The following CLASP1 variants were observed in gnomAD, a reference collection of about 807,000 sequenced individuals.
CLASP1 encodes CLIP-associating protein 1.
CLASP1 carries 38 observed loss-of-function variants against 192.3 expected under a neutral mutation model. That is an observed-to-expected ratio of 0.20 (90% CI 0.15 to 0.26). The LOEUF (loss-of-function observed/expected upper bound fraction) is 0.26. Among genes scored for constraint, CLASP1 ranks in the 10% least tolerant of loss-of-function variants. CLASP1 has a pLI of 1.00. For missense variants in CLASP1, 1,433 were observed against 1,932.5 expected, an observed-to-expected ratio of 0.74 and a Z score of 4.85; for synonymous variants, 691 against 712.8, an observed-to-expected ratio of 0.97 and a Z score of 0.49.
chr2:121,571,889 G>A (rs2060008491), intron 2 of CLASP1, among the ~76,000 whole-genome samples: 1 of 151,888 alleles, frequency 6.6e-6, no homozygotes, highest in South Asian at 2.1e-4. Flanking sequence ...AGGCAGCAGA[G>A]AACTCAAGGC....
chr2:121,631,775 A>C (rs1176646174), intron 1 of CLASP1, among the ~76,000 whole-genome samples: 3 of 151,818 alleles, frequency 2.0e-5, no homozygotes, highest in African/African-American at 7.3e-5. Flanking sequence ...GGCCAGGCGC[A>C]GTGGGTCACA....
At chr2:121,343,349 T>G (rs2063020855) in intron 39 of CLASP1, among the ~76,000 whole-genome samples, 1 of 152,124 alleles carries the variant, frequency 6.6e-6, no homozygotes, top group Non-Finnish European at 1.5e-5. Flanking sequence ...CCTGAAACAT[T>G]AAGGACTTGA....
At chr2:121,511,277 T>C (rs1478565157) in intron 7 of CLASP1, among the ~76,000 whole-genome samples, 2 of 152,062 alleles carry the variant, frequency 1.3e-5, no homozygotes, top group Non-Finnish European at 2.9e-5. Context: ...ATTGGAAGTA[T>C]ATATGAGAGA....
At chr2:121,411,287 T>C (rs2077666010) in intron 23 of CLASP1, among the ~76,000 whole-genome samples, 1 of 152,256 alleles carries the variant, frequency 6.6e-6, no homozygotes, top group Admixed American at 6.5e-5. Flanking sequence ...TCTATTTAGC[T>C]TTCCCTGTAG....
chr2:121,580,735 T>C (rs990954912), intron 2 of CLASP1, among the ~76,000 whole-genome samples: 1 of 152,268 alleles, frequency 6.6e-6, no homozygotes, highest in African/African-American at 2.4e-5. Context: ...TTATTTCTTA[T>C]TTCAAGTGTT....
At chr2:121,524,339 T>G (rs2094524367) in intron 6 of CLASP1, among the ~76,000 whole-genome samples, 1 of 152,212 alleles carries the variant, frequency 6.6e-6, no homozygotes, top group African/African-American at 2.4e-5. Context: ...GATAATCTAT[T>G]TGGTAACTTA....
At chr2:121,605,563 G>A (rs2064328507) in intron 2 of CLASP1, 138 bp downstream of exon 2, 1 of 612,998 alleles carries the variant, frequency 1.6e-6, no homozygotes, top group Non-Finnish European at 2.9e-6. Context: ...AATAACCCAA[G>A]GCCACAATCT....
intron 10 of CLASP1, among the ~76,000 whole-genome samples, 180 bp downstream of exon 10, chr2:121,462,352 A>G (rs2088259254): frequency 6.6e-6 from 1 of 152,122 alleles, no homozygotes; most frequent in African/African-American, 2.4e-5. Context: ...TTACTGAAAG[A>G]TTATCTTGGG....
intron 30 of CLASP1, among the ~76,000 whole-genome samples, chr2:121,390,427 ATTTAT>A (rs2074141113): frequency 6.6e-6 from 1 of 152,220 alleles, no homozygotes; most frequent in South Asian, 2.1e-4. Context: ...CCCTAGGGCA[ATTTAT>A]TTTAAGGATC....
intron 8 of CLASP1, among the ~76,000 whole-genome samples, chr2:121,486,081 C>T (rs1340737875): frequency 2.0e-5 from 3 of 152,060 alleles, no homozygotes; most frequent in African/African-American, 7.2e-5. Context: ...GGGCAAGAAA[C>T]GGGCAAGGTA....
intron 1 of CLASP1, among the ~76,000 whole-genome samples, chr2:121,645,388 T>C (rs953904910): frequency 2.6e-5 from 4 of 152,222 alleles, no homozygotes; most frequent in Admixed American, 2.6e-4. Context: ...CAGGGACAGA[T>C]GCCTGCAGTG....
intron 23 of CLASP1, among the ~76,000 whole-genome samples, chr2:121,415,222 T>C (rs954840942): frequency 2.6e-5 from 4 of 152,360 alleles, no homozygotes; most frequent in African/African-American, 9.6e-5. Context: ...GGATCACAAC[T>C]AGCCATAGGA....
intron 1 of CLASP1, among the ~76,000 whole-genome samples, chr2:121,645,149 G>A (rs995052642): frequency 6.6e-6 from 1 of 152,130 alleles, no homozygotes; most frequent in Non-Finnish European, 1.5e-5. Flanking sequence ...CTCTTCAACT[G>A]TACCCTCTTG....
At chr2:121,555,971 C>T (rs2058512004) in intron 2 of CLASP1, among the ~76,000 whole-genome samples, 1 of 146,892 alleles carries the variant, frequency 6.8e-6, no homozygotes, top group African/African-American at 2.6e-5. Context: ...GCCACGGCGC[C>T]TGCCCCCTAC....
chr2:121,562,550 T>A (rs1435904698), intron 2 of CLASP1, among the ~76,000 whole-genome samples: 1 of 152,210 alleles, frequency 6.6e-6, no homozygotes, highest in Non-Finnish European at 1.5e-5. Context: ...ACTCCCTCCA[T>A]AAAATCAACT....
chr2:121,540,701 C>T (rs1180046986), intron 2 of CLASP1, among the ~76,000 whole-genome samples: 2 of 151,720 alleles, frequency 1.3e-5, no homozygotes, highest in Admixed American at 6.6e-5. Context: ...GCAGGAGAAT[C>T]GCTTGAACCC....
intron 1 of CLASP1, among the ~76,000 whole-genome samples, chr2:121,617,135 T>C (rs1219938623): frequency 6.6e-6 from 1 of 152,138 alleles, no homozygotes; most frequent in Non-Finnish European, 1.5e-5. Context: ...CAGCTTTCAT[T>C]TGTCAGTCAC....
intron 30 of CLASP1, among the ~76,000 whole-genome samples, chr2:121,388,269 G>C (rs2073702002): frequency 6.6e-6 from 1 of 152,166 alleles, no homozygotes; most frequent in Admixed American, 6.5e-5. Flanking sequence ...TAATAATTCA[G>C]AACTGAACAG....
At chr2:121,518,242 A>G (rs1369723037) in intron 6 of CLASP1, among the ~76,000 whole-genome samples, 1 of 150,492 alleles carries the variant, frequency 6.6e-6, no homozygotes, top group Non-Finnish European at 1.5e-5. Flanking sequence ...AAAAAAAAAA[A>G]AAAAAAAAAA....
Sources: gnomAD v4.1 joint callset for allele counts (sites outside exome capture counted in the v4.1 genomes callset) on GRCh38, gnomAD v4.1.1 for gene constraint, MANE v1.5 for transcripts, NCBI Gene and HGNC (gene_info 2026-07-23, HGNC 2026-07-21) for gene names.